SLC44A3: variants seen among roughly 807,000 people sequenced by gnomAD.
SLC44A3 encodes choline transporter-like protein 3.
In SLC44A3, 74 loss-of-function variants were observed where a neutral mutation model predicts 75.4. The observed-to-expected ratio is 0.98, with a 90% CI of 0.81 to 1.19. The LOEUF is 1.19. SLC44A3 is among the 50% of genes most tolerant of loss of function. SLC44A3 has a pLI of 0.00. For synonymous variants in SLC44A3, 310 were observed against 296.9 expected, an observed-to-expected ratio of 1.04 and a Z score of -0.45; for missense variants, 700 against 778.6, an observed-to-expected ratio of 0.90 and a Z score of 1.20.
chr1:94,825,918 CAACA>C (rs1326994708), intron 3 of SLC44A3: 11 of 456,092 alleles, frequency 2.4e-5, no homozygotes, highest in Non-Finnish European at 4.4e-5. Context: ...AATGCAGTGT[CAACA>C]AACAGTCATT....
intron 12 of SLC44A3, among the ~76,000 whole-genome samples, chr1:94,872,685 C>G (rs1391484285): frequency 6.6e-6 from 1 of 152,208 alleles, no homozygotes; most frequent in African/African-American, 2.4e-5. Context: ...GGGTTAGATT[C>G]AGTGACCCCC....
chr1:94,851,397 G>C (rs1415186211), intron 9 of SLC44A3, among the ~76,000 whole-genome samples: 1 of 152,174 alleles, frequency 6.6e-6, no homozygotes, highest in Non-Finnish European at 1.5e-5. Flanking sequence ...ATTCTACTGG[G>C]TGGGCATAGA....
At chr1:94,824,679 C>G (rs781331436) in intron 3 of SLC44A3, 44 bp downstream of exon 3, 2 of 1,488,506 alleles carry the variant, frequency 1.3e-6, no homozygotes, top group Non-Finnish European at 1.8e-6. Flanking sequence ...AACTGTACCT[C>G]AAAACTTTGT....
At chr1:94,867,449 C>T in intron 12 of SLC44A3, 32 bp downstream of exon 12, 1 of 1,564,138 alleles carries the variant, frequency 6.4e-7, no homozygotes, top group Non-Finnish European at 8.7e-7. Context: ...CAGGAACACA[C>T]AGAAGGGTCC....
Position 94,824,597 on chromosome 1 carries a change from A to G in SLC44A3, c.240A>G (p.Glu80=), listed in dbSNP as rs554778369. The G allele has an allele frequency of 1.3e-4, 205 of 1,609,232 alleles. No individual in the cohort carries two copies. The South Asian group carries it at 1.4e-3, about 11-fold the overall frequency. The change falls in exon 3 of 15, where the codon GAA becomes GAG. Residue 80 remains glutamate, a synonymous_variant. Transcript: ENST00000271227. ...GTGGCAAGAAGAACTCCCCCGTGGA[A>G]GGGGCCCCTCTTTCAGGGCAGGACA... is the stretch of plus-strand genomic sequence containing the variant. ...NMCGKKNSPV[E]GAPLSGQDMT...
chr1:94,881,839 C>T (rs919947361), intron 12 of SLC44A3, among the ~76,000 whole-genome samples: 7 of 140,452 alleles, frequency 5.0e-5, no homozygotes, highest in Non-Finnish European at 7.6e-5. Flanking sequence ...GGTGAAACCC[C>T]GTCTCTACTA....
In SLC44A3 at chr1:94,824,587, C is replaced by T. The variant is rs1361176299; in HGVS notation, c.230C>T (p.Ser77Phe). Reference sequence around the variant, plus strand: ...GGCAACATGTGTGGCAAGAAGAACTCCCCCGTGGAAGGGGCCCCTCTTTCA... The same window carrying T: ...GGCAACATGTGTGGCAAGAAGAACTTCCCCGTGGAAGGGGCCCCTCTTTCA... ...SFGNMCGKKN[S>F]PVEGAPLSGQ... is the part of the protein sequence containing the mutation. Residue 77 changes from serine to phenylalanine, a missense_variant, in exon 3 of 15, where the codon TCC (serine) becomes TTC (phenylalanine). Physicochemically the swap from Ser to Phe is radical, Grantham distance 155 (BLOSUM62 -2). Coordinates refer to ENST00000271227, the MANE Select transcript of SLC44A3 (RefSeq NM_001114106.3). 4.3e-6 allele frequency: 7 copies of T among 1,610,534 alleles called. No homozygotes were observed. Among genetic ancestry groups the T allele is most frequent in the Non-Finnish European group, 5.9e-6 (7 of 1,178,946 alleles).
At chr1:94,881,593 A>C (rs1571436010) in intron 12 of SLC44A3, among the ~76,000 whole-genome samples, 1 of 149,964 alleles carries the variant, frequency 6.7e-6, no homozygotes, top group African/African-American at 2.5e-5. Context: ...AGTCCCAGCT[A>C]CTCGGGAGGC....
At position 94,891,246 on chromosome 1, in the gene SLC44A3, CTT is replaced by C. The variant is rs777295737; in HGVS notation, c.1600_1601del (p.Phe534HisfsTer22). 6.2e-7 allele frequency: 1 copy of C among 1,605,452 alleles called. No homozygotes were observed. Among genetic ancestry groups the C allele is most frequent in the South Asian group, 1.1e-5 (1 of 89,580 alleles). Reference protein sequence around the residue: ...HFTSINCFGDFIIFLGKVLVV... With the variant: ...HFTSINCFGDXIIFLGKVLVV... ...TTACATCTATTAACTGCTTTGGAGA[CTT>C]CATAATTTTTCTAGGAAAGGTGAGA... On this transcript the variant is annotated frameshift_variant, in exon 13 of 15. Transcript: ENST00000271227. LOFTEE classifies it high-confidence loss of function.
At chr1:94,824,188 A>T (rs1221819361) in intron 2 of SLC44A3, among the ~76,000 whole-genome samples, 3 of 152,246 alleles carry the variant, frequency 2.0e-5, no homozygotes, top group Non-Finnish European at 4.4e-5. Flanking sequence ...TGTCCCAGTA[A>T]AGTTAGACCA....
At chr1:94,842,274 A>C in intron 8 of SLC44A3, 150 bp downstream of exon 8, 13 of 1,122,132 alleles carry the variant, frequency 1.2e-5, no homozygotes, top group Non-Finnish European at 1.5e-5. Context: ...TATAGGGATA[A>C]TTCAAAACTC....
intron 2 of SLC44A3, among the ~76,000 whole-genome samples, chr1:94,822,208 A>G (rs1571135385): frequency 6.6e-6 from 1 of 152,192 alleles, no homozygotes; most frequent in Non-Finnish European, 1.5e-5. Flanking sequence ...CCTCACTACC[A>G]AACTCTCAGC....
chr1:94,844,151 A>G (rs897988678), intron 8 of SLC44A3, among the ~76,000 whole-genome samples: 9 of 152,242 alleles, frequency 5.9e-5, no homozygotes, highest in Admixed American at 2.6e-4. Flanking sequence ...AAATAGTACA[A>G]TAGGGTAAGT....
chr1:94,875,790 A>G (rs1045736209), intron 12 of SLC44A3, among the ~76,000 whole-genome samples: 3 of 152,194 alleles, frequency 2.0e-5, no homozygotes, highest in Non-Finnish European at 4.4e-5. Flanking sequence ...ATTTGTGTAA[A>G]TCTGAGCCTT....
At position 94,833,274 on chromosome 1, in the gene SLC44A3, C is replaced by T. The variant is rs571830043; in HGVS notation, c.510-4437C>T. On this transcript the variant is annotated intron_variant, in intron 5 of 14. Coordinates refer to ENST00000271227, the MANE Select transcript of SLC44A3 (RefSeq NM_001114106.3). Reference sequence around the variant, plus strand: ...TCTCTGGGCTTGGGAGATGTCCCGGCCAGCTCTTTCCCTCATGGGCATGTT... The same window carrying T: ...TCTCTGGGCTTGGGAGATGTCCCGGTCAGCTCTTTCCCTCATGGGCATGTT... Among the ~76,000 whole-genome samples the T allele has an allele frequency of 2.6e-5, 4 of 152,294 alleles. No homozygotes were observed. The East Asian group carries it at 7.7e-4, about 29-fold the overall frequency.
chr1:94,894,748 T>G, intron 14 of SLC44A3, 70 bp from the exon 15 acceptor site: 1 of 1,306,322 alleles, frequency 7.7e-7, no homozygotes, highest in Non-Finnish European at 1.1e-6. Context: ...GGAGAAGTTT[T>G]CCCTCGGCCC....
At chr1:94,852,678 G>C (rs1665367120) in intron 9 of SLC44A3, among the ~76,000 whole-genome samples, 1 of 152,088 alleles carries the variant, frequency 6.6e-6, no homozygotes, top group African/African-American at 2.4e-5. Flanking sequence ...AGAAGAGGAT[G>C]GTGGCTTGGA....
intron 12 of SLC44A3, among the ~76,000 whole-genome samples, chr1:94,884,225 T>C (rs1402965049): frequency 6.6e-6 from 1 of 152,222 alleles, no homozygotes; most frequent in Non-Finnish European, 1.5e-5. Flanking sequence ...CTTTCCCTCC[T>C]CACCATCTCA....
chr1:94,841,174 G>A lies in SLC44A3; in HGVS notation c.761-826G>A, dbSNP rs957246556. 2.6e-5 allele frequency among the ~76,000 whole-genome samples: 4 copies of A among 152,284 alleles called. No homozygotes were observed. The South Asian group carries it at 8.3e-4, about 32-fold the overall frequency. On this transcript the variant is annotated intron_variant, in intron 7 of 14. Coordinates refer to ENST00000271227, the MANE Select transcript of SLC44A3 (RefSeq NM_001114106.3). ...TACGGTTGGCAGCTGTAACAGAATGGTCAGTATTTGTGTATCTAAACACAT... is the reference window on the plus strand; with the variant it reads ...TACGGTTGGCAGCTGTAACAGAATGATCAGTATTTGTGTATCTAAACACAT...
Sources: gnomAD v4.1 joint callset for allele counts (sites outside exome capture counted in the v4.1 genomes callset) on GRCh38, gnomAD v4.1.1 for gene constraint, MANE v1.5 for transcripts, NCBI Gene and HGNC (gene_info 2026-07-23, HGNC 2026-07-21) for gene names.